TNFSF11: variants seen among roughly 807,000 people sequenced by gnomAD.
TNFSF11 encodes the protein tumor necrosis factor ligand superfamily member 11.
A neutral mutation model predicts 32.2 loss-of-function variants in TNFSF11; 12 were observed. The ratio of observed to expected loss-of-function variants is 0.37; its 90% confidence interval spans 0.24 to 0.60. The LOEUF is 0.60. Among genes scored for constraint, TNFSF11 ranks in the 20% least tolerant of loss-of-function variants. The probability of loss-of-function intolerance (pLI) is 0.66; values close to 1 mark genes in which losing one functional copy is unlikely to be tolerated. For synonymous variants in TNFSF11, 172 were observed against 152.1 expected, an observed-to-expected ratio of 1.13 and a Z score of -0.96; for missense variants, 345 against 398.0, an observed-to-expected ratio of 0.87 and a Z score of 1.13.
At chr13:42,588,420 T>C (rs1186103170) in intron 2 of TNFSF11, among the ~76,000 whole-genome samples, 2 of 152,182 alleles carry the variant, frequency 1.3e-5, no homozygotes, top group African/African-American at 4.8e-5. Context: ...CATGACATCT[T>C]TAAAGAAACA....
At chr13:42,598,113 C>T (rs1318005022) in intron 2 of TNFSF11, among the ~76,000 whole-genome samples, 2 of 152,152 alleles carry the variant, frequency 1.3e-5, no homozygotes, top group Non-Finnish European at 1.5e-5. Context: ...TCTTAAAGTA[C>T]TAGGATTACA....
Position 42,606,726 on chromosome 13 carries a change from C to T in TNFSF11, c.762C>T (p.Thr254=). The part of the protein sequence containing the change: ...KTSIKIPSSH[T]LMKGGSTKYW... ...GCATCAAAATCCCAAGTTCTCATACCCTGATGAAAGGAGGAAGCACCAAGT... is the reference window on the plus strand; with the variant it reads ...GCATCAAAATCCCAAGTTCTCATACTCTGATGAAAGGAGGAAGCACCAAGT... The change falls in exon 5 of 5, where the codon ACC becomes ACT. Residue 254 remains threonine, a synonymous_variant. Coordinates refer to ENST00000398795, the MANE Select transcript of TNFSF11 (RefSeq NM_003701.4). 1.9e-6 allele frequency: 3 copies of T among 1,614,124 alleles called. No homozygotes were observed. The highest frequency in any genetic ancestry group is 2.5e-6 in the Non-Finnish European group (3 of 1,180,028).
intron 2 of TNFSF11, among the ~76,000 whole-genome samples, chr13:42,587,148 A>G (rs1193684368): frequency 6.6e-6 from 1 of 152,184 alleles, no homozygotes; most frequent in African/African-American, 2.4e-5. Flanking sequence ...CTCTGTTTCT[A>G]AGTTGGCTTC....
At position 42,606,943 on chromosome 13, in the gene TNFSF11, A is replaced by G. The variant is rs1177658660; in HGVS notation, c.*25A>G. ...AGCCCCAGTTTTTGGAGTGTTATGTATTTCCTGGATGTTTGGAAACATTTT... is the reference window on the plus strand; with the variant it reads ...AGCCCCAGTTTTTGGAGTGTTATGTGTTTCCTGGATGTTTGGAAACATTTT... On this transcript the variant is annotated 3_prime_UTR_variant, in exon 5 of 5. Transcript: ENST00000398795. 1.9e-6 allele frequency: 3 copies of G among 1,613,884 alleles called. No homozygotes were observed. The highest frequency in any genetic ancestry group is 3.3e-5 in the Admixed American group (2 of 60,010).
upstream of TNFSF11, among the ~76,000 whole-genome samples, chr13:42,569,740 C>T (rs1488658286): frequency 6.6e-6 from 1 of 151,918 alleles, no homozygotes; most frequent in African/African-American, 2.4e-5. Flanking sequence ...CAAAGTGAAA[C>T]GTCTGTCATA....
At position 42,591,399 on chromosome 13, in the gene TNFSF11, T is replaced by A. The variant is rs115857338; in HGVS notation, c.388-9353T>A. Among the ~76,000 whole-genome samples, 1,172 of 152,098 alleles carry A rather than the reference T, an allele frequency of 7.7e-3. 16 individuals are homozygous for A. The highest frequency in any genetic ancestry group is 0.026 in the African/African-American group (1,070 of 41,476). On this transcript the variant is annotated intron_variant, in intron 2 of 4. Transcript: ENST00000398795. Reference sequence around the variant, plus strand: ...TGCCCACCTCATGATTTTTCCCCTCTCCTCTGGGGAGGGTGAGGACCTGCC... The same window carrying A: ...TGCCCACCTCATGATTTTTCCCCTCACCTCTGGGGAGGGTGAGGACCTGCC...
In TNFSF11 at chr13:42,574,339, G is replaced by A. The variant is rs1228138437; in HGVS notation, c.36G>A (p.Leu12=). The change falls in exon 1 of 5, where the codon CTG becomes CTA. Residue 12 remains leucine, a synonymous_variant. Transcript: ENST00000398795. The stretch of plus-strand genomic sequence containing the variant: ...CCAGCAGAGACTACACCAAGTACCT[G>A]CGTGGCTCGGAGGAGATGGGCGGCG... ...RRASRDYTKY[L]RGSEEMGGGP... is the part of the protein sequence containing the mutation. The A allele has an allele frequency of 1.9e-6, 3 of 1,545,912 alleles. No homozygotes were observed. The South Asian group carries it at 3.6e-5, about 18-fold the overall frequency.
intron 2 of TNFSF11, among the ~76,000 whole-genome samples, chr13:42,567,070 G>T (rs1471453790): frequency 2.0e-5 from 3 of 151,982 alleles, no homozygotes; most frequent in African/African-American, 7.2e-5. Flanking sequence ...ACCTAATATG[G>T]CAAAAATAAG....
intron 2 of TNFSF11, among the ~76,000 whole-genome samples, chr13:42,582,376 C>A (rs924050335): frequency 6.6e-6 from 1 of 152,118 alleles, no homozygotes; most frequent in African/African-American, 2.4e-5. Flanking sequence ...TGAAGGTAAA[C>A]GTCTGTAACA....
intron 4 of TNFSF11, 83 bp downstream of exon 4, chr13:42,601,064 C>A: frequency 6.7e-7 from 1 of 1,501,272 alleles, no homozygotes; most frequent in Non-Finnish European, 9.2e-7. Context: ...TATTTTTAGT[C>A]TGTCACTGAA....
chr13:42,569,547 CAA>C (rs71298952), upstream of TNFSF11, among the ~76,000 whole-genome samples: 47 of 134,194 alleles, frequency 3.5e-4, no homozygotes, highest in African/African-American at 6.5e-4. Context: ...CACTCTGTCT[CAA>C]AAAAAAAAAA....
At chr13:42,599,455 G>A (rs184889499) in intron 2 of TNFSF11, among the ~76,000 whole-genome samples, 4 of 151,960 alleles carry the variant, frequency 2.6e-5, no homozygotes, top group East Asian at 1.9e-4. Flanking sequence ...TTCAAACACC[G>A]TGGGGAGAAT....
chr13:42,600,836 G>T, intron 3 of TNFSF11, 39 bp downstream of exon 3: 2 of 1,613,996 alleles, frequency 1.2e-6, no homozygotes, highest in Non-Finnish European at 1.7e-6. Flanking sequence ...AATCCCACAG[G>T]GTCACTACTA....
chr13:42,569,759 G>C (rs973292796), upstream of TNFSF11, among the ~76,000 whole-genome samples: 1 of 151,920 alleles, frequency 6.6e-6, no homozygotes. Context: ...TAATAATAAC[G>C]AATGACTTCC....
At chr13:42,569,759 G>A (rs973292796), upstream of TNFSF11, among the ~76,000 whole-genome samples, 2 of 151,920 alleles carry the variant, frequency 1.3e-5, no homozygotes, top group African/African-American at 4.8e-5. Context: ...TAATAATAAC[G>A]AATGACTTCC....
chr13:42,565,640 T>C lies in TNFSF11; in HGVS notation c.-301-981T>C, dbSNP rs141831157. 2.9e-3 allele frequency among the ~76,000 whole-genome samples: 446 copies of C among 152,304 alleles called. 3 individuals carry two copies. The highest frequency in any genetic ancestry group is 0.01 in the African/African-American group (430 of 41,554). ...TATTCTTATGTTCTAAAACTAGAAC[T>C]TTAAGTGCAAGGCAGTGATGGATGT... On this transcript the variant is annotated intron_variant, in intron 1 of 6. Transcript: ENST00000358545.
At chr13:42,601,043 A>T in intron 4 of TNFSF11, 62 bp downstream of exon 4, 1 of 1,578,350 alleles carries the variant, frequency 6.3e-7, no homozygotes, top group Non-Finnish European at 8.7e-7. Flanking sequence ...GCCCATTTCA[A>T]TACTGAAACC....
At chr13:42,591,979 C>A (rs1455899420) in intron 2 of TNFSF11, among the ~76,000 whole-genome samples, 2 of 152,178 alleles carry the variant, frequency 1.3e-5, no homozygotes, top group African/African-American at 4.8e-5. Flanking sequence ...ATCCCAGAGC[C>A]TCCTTCCAGG....
intron 2 of TNFSF11, among the ~76,000 whole-genome samples, chr13:42,590,078 C>T (rs1874094428): frequency 6.6e-6 from 1 of 152,262 alleles, no homozygotes; most frequent in South Asian, 2.1e-4. Flanking sequence ...AACTGGCTCA[C>T]TTGAATGTGA....
Sources: gnomAD v4.1 joint callset for allele counts (sites outside exome capture counted in the v4.1 genomes callset) on GRCh38, gnomAD v4.1.1 for gene constraint, MANE v1.5 for transcripts, NCBI Gene and HGNC (gene_info 2026-07-23, HGNC 2026-07-21) for gene names.